Variants in PALMD observed in about 807,000 individuals in gnomAD.
PALMD encodes paralemmin-like protein.
PALMD carries 42 observed loss-of-function variants against 56.2 expected under a neutral mutation model. The observed-to-expected ratio is 0.75, with a 90% CI of 0.58 to 0.97. The LOEUF is 0.97. PALMD is among the 50% of genes least tolerant of loss of function. PALMD has a pLI of 0.00. For synonymous variants in PALMD, 242 were observed against 222.9 expected, an observed-to-expected ratio of 1.09 and a Z score of -0.76; for missense variants, 660 against 643.8, an observed-to-expected ratio of 1.03 and a Z score of -0.27.
At chr1:99,690,106 C>T (rs1162541960) in intron 7 of PALMD, 2 of 474,884 alleles carry the variant, frequency 4.2e-6, no homozygotes, top group African/African-American at 2.0e-5. Flanking sequence ...TATTGAGGAA[C>T]TTTAATAACT....
intron 1 of PALMD, among the ~76,000 whole-genome samples, chr1:99,658,083 T>C (rs1337423066): frequency 6.6e-6 from 1 of 151,222 alleles, no homozygotes; most frequent in East Asian, 2.0e-4. Flanking sequence ...AGCGGATCAC[T>C]TGAGCCCAGG....
chr1:99,692,160 A>T (rs72964355), intron 7 of PALMD, among the ~76,000 whole-genome samples: 3,511 of 152,238 alleles, frequency 0.023, 126 homozygotes, highest in African/African-American at 0.08. Context: ...AGGGGGTAGT[A>T]GTTGGCTTTC....
At position 99,675,000 on chromosome 1, in the gene PALMD, G is replaced by A. The variant is rs114412508; in HGVS notation, c.251+7234G>A. ...AAAACTTCCACACCCACCCCCTTGCGATGCATCTTTTGTCTGCCATAAGGC... is the reference window on the plus strand; with the variant it reads ...AAAACTTCCACACCCACCCCCTTGCAATGCATCTTTTGTCTGCCATAAGGC... On this transcript the variant is annotated intron_variant, in intron 3 of 7. Transcript: ENST00000263174. Among the ~76,000 whole-genome samples the A allele has an allele frequency of 4.6e-3, 704 of 152,294 alleles. 9 individuals carry two copies. The highest frequency in any genetic ancestry group is 0.015 in the African/African-American group (638 of 41,576).
chr1:99,689,691 A>T lies in PALMD; in HGVS notation c.1431A>T (p.Lys477Asn). The T allele has an allele frequency of 6.2e-7, 1 of 1,613,838 alleles. No homozygotes were observed. The highest frequency in any genetic ancestry group is 1.3e-5 in the African/African-American group (1 of 75,020). Residue 477 changes from lysine to asparagine, a missense_variant, in exon 7 of 8, where the codon AAA (lysine) becomes AAT (asparagine). Lys to Asn is a moderately conservative substitution (Grantham distance 94). Coordinates refer to ENST00000263174, the MANE Select transcript of PALMD (RefSeq NM_017734.5). ...APHSQVYQPA[K>N]PTPLPRKRSE... ...ATAGTCAGGTGTACCAGCCAGCCAA[A>T]CCAACACCACTTCCTAGAAAAAGAT...
intron 2 of PALMD, 34 bp from the exon 3 acceptor site, chr1:99,667,608 T>A: frequency 6.3e-7 from 1 of 1,594,116 alleles, no homozygotes; most frequent in Non-Finnish European, 8.6e-7. Flanking sequence ...TATTGACCAA[T>A]ATAAGAACAT....
At chr1:99,668,545 A>G (rs1488253476) in intron 3 of PALMD, 2 of 152,148 alleles carry the variant, frequency 1.3e-5, no homozygotes, top group African/African-American at 2.4e-5. Flanking sequence ...CGGTCCTTCC[A>G]TCATATTTCT....
At chr1:99,661,296 T>C (rs1405199840) in intron 1 of PALMD, among the ~76,000 whole-genome samples, 2 of 152,222 alleles carry the variant, frequency 1.3e-5, no homozygotes, top group East Asian at 1.9e-4. Context: ...TTTGCATAAC[T>C]AGTCAAATGT....
intron 3 of PALMD, among the ~76,000 whole-genome samples, chr1:99,677,933 TTAGA>T (rs1339775404): frequency 1.3e-5 from 2 of 152,136 alleles, no homozygotes; most frequent in Non-Finnish European, 2.9e-5. Flanking sequence ...GATTTTCTGT[TTAGA>T]TCAGTATTTG....
At position 99,688,783 on chromosome 1, in the gene PALMD, G is replaced by T; in HGVS notation, c.523G>T (p.Ala175Ser). The change falls in exon 7 of 8, where the codon GCC becomes TCC. Residue 175 changes from alanine to serine, a missense_variant. By Grantham distance (99) the Ala-to-Ser change is moderately conservative (BLOSUM62 1). Transcript: ENST00000263174. ...DDEQNRKALY[A>S]MEIKVEKDLK... ...AATTTGTTTCTTAACAGCTTTATAT[G>T]CCATGGAAATTAAAGTTGAAAAAGA... 1 of 1,592,918 alleles carries T rather than the reference G, an allele frequency of 6.3e-7. No homozygotes were observed. Among genetic ancestry groups the T allele is most frequent in the South Asian group, 1.1e-5 (1 of 87,164 alleles).
In PALMD at chr1:99,694,176, G is replaced by C; in HGVS notation, c.*114G>C. 2 of 698,574 alleles carry C rather than the reference G, an allele frequency of 2.9e-6. No homozygotes were observed. The highest frequency in any genetic ancestry group is 4.9e-6 in the Non-Finnish European group (2 of 404,060). The allele number at this position is 698,574 out of a possible 1,614,324, so 43.3% of individuals were successfully genotyped here. ...TGAAGTCCAAAAAATTATCATTACA[G>C]TGTACCATATTAAGCCATGTGAATA... On this transcript the variant is annotated 3_prime_UTR_variant, in exon 8 of 8. Coordinates refer to ENST00000263174, the MANE Select transcript of PALMD (RefSeq NM_017734.5).
Position 99,689,074 on chromosome 1 carries a change from C to G in PALMD, c.814C>G (p.Pro272Ala), listed in dbSNP as rs779479092. The change falls in exon 7 of 8, where the codon CCA becomes GCA. Residue 272 changes from proline to alanine, a missense_variant. Physicochemically the swap from Pro to Ala is conservative, Grantham distance 27. Transcript: ENST00000263174. ...CAATCCCTTTTACAGGCCTACAACCCCACAGAGAGAAACGGTGACCCCTGG... is the reference window on the plus strand; with the variant it reads ...CAATCCCTTTTACAGGCCTACAACCGCACAGAGAGAAACGGTGACCCCTGG... ...YANPFYRPTT[P>A]QRETVTPGPN... The G allele has an allele frequency of 6.2e-7, 1 of 1,613,482 alleles. No homozygotes were observed. The highest frequency in any genetic ancestry group is 1.1e-5 in the South Asian group (1 of 91,042).
At chr1:99,665,138 G>A (rs779815882) in intron 2 of PALMD, among the ~76,000 whole-genome samples, 6 of 151,918 alleles carry the variant, frequency 3.9e-5, no homozygotes, top group African/African-American at 1.2e-4. Flanking sequence ...CCATGAGTCC[G>A]TTCAATTCAA....
chr1:99,686,691 C>T lies in PALMD; in HGVS notation c.267C>T (p.Ile89=). ...EQSILRLEKE[I]QDLEKAELQI... Reference sequence around the variant, plus strand: ...TTGTTGTCAGGCTTGAGAAAGAGATCCAAGATCTTGAAAAAGCTGAACTGC... The same window carrying T: ...TTGTTGTCAGGCTTGAGAAAGAGATTCAAGATCTTGAAAAAGCTGAACTGC... The change falls in exon 4 of 8, where the codon ATC becomes ATT. Residue 89 remains isoleucine, a synonymous_variant. Transcript: ENST00000263174. 1.9e-6 allele frequency: 3 copies of T among 1,589,960 alleles called. No homozygotes were observed.
intron 1 of PALMD, among the ~76,000 whole-genome samples, chr1:99,657,091 T>C (rs1186043272): frequency 2.6e-5 from 4 of 152,218 alleles, no homozygotes; most frequent in Non-Finnish European, 4.4e-5. Context: ...TCATGGAGGC[T>C]CTCCTTAGCC....
At position 99,687,252 on chromosome 1, in the gene PALMD, T is replaced by G; in HGVS notation, c.514+63T>G. The stretch of plus-strand genomic sequence containing the variant: ...TTTCAGATTTTACAGTGTCAAATAT[T>G]CACAACTTGCTATGACATATTATTC... On this transcript the variant is annotated intron_variant, in intron 6 of 7. Transcript: ENST00000263174. The G allele has an allele frequency of 3.3e-6, 5 of 1,510,104 alleles. No individual in the cohort carries two copies. The South Asian group carries it at 4.0e-5, about 12-fold the overall frequency. 93.5% of individuals were successfully genotyped at this position (1,510,104 alleles called of 1,614,324 possible).
At chr1:99,676,707 T>C (rs1364770436) in intron 3 of PALMD, among the ~76,000 whole-genome samples, 3 of 152,170 alleles carry the variant, frequency 2.0e-5, no homozygotes, top group African/African-American at 4.8e-5. Flanking sequence ...GAAGAAAATA[T>C]GCCTGACATA....
chr1:99,677,649 C>T (rs1409538613), intron 3 of PALMD, among the ~76,000 whole-genome samples: 1 of 152,126 alleles, frequency 6.6e-6, no homozygotes, highest in Non-Finnish European at 1.5e-5. Flanking sequence ...TGCTAATACC[C>T]TGTTGGCCAG....
chr1:99,656,748 G>C (rs1264889188), intron 1 of PALMD, among the ~76,000 whole-genome samples: 1 of 152,094 alleles, frequency 6.6e-6, no homozygotes, highest in Admixed American at 6.5e-5. Flanking sequence ...CCAGGACTGA[G>C]AATTAAGAAG....
At chr1:99,675,996 T>C (rs1653203736) in intron 3 of PALMD, among the ~76,000 whole-genome samples, 1 of 152,200 alleles carries the variant, frequency 6.6e-6, no homozygotes, top group East Asian at 1.9e-4. Flanking sequence ...TCTAAACATC[T>C]GCTCTGTTCC....
Sources: gnomAD v4.1 joint callset for allele counts (sites outside exome capture counted in the v4.1 genomes callset) on GRCh38, gnomAD v4.1.1 for gene constraint, MANE v1.5 for transcripts, NCBI Gene and HGNC (gene_info 2026-07-23, HGNC 2026-07-21) for gene names.